CA10: variants seen among roughly 807,000 people sequenced by gnomAD.
The protein encoded by CA10 is carbonic anhydrase 10 (inactive), also known as carbonic anhydrase-related protein 10.
Under a neutral mutation model 44.2 loss-of-function variants are expected in CA10, and 14 were observed. That is an observed-to-expected ratio of 0.32 (90% confidence interval 0.21 to 0.50). CA10 has a LOEUF of 0.50. Ranked by LOEUF, CA10 falls within the 20% of genes least tolerant of loss-of-function variation. The pLI is 0.99. For missense variants in CA10, 350 were observed against 409.7 expected (o/e 0.85, Z 1.26); for synonymous variants, 159 against 141.6 (o/e 1.12, Z -0.87).
chr17:51,646,155 T>A (rs1279295715), intron 6 of CA10, among the ~76,000 whole-genome samples: 3 of 152,242 alleles, frequency 2.0e-5, no homozygotes, highest in Admixed American at 2.0e-4. Context: ...AGTTGCTGAC[T>A]GATACAGCCA....
chr17:51,828,997 G>A (rs994065627), intron 3 of CA10, among the ~76,000 whole-genome samples: 2 of 152,178 alleles, frequency 1.3e-5, no homozygotes, highest in Admixed American at 6.5e-5. Context: ...TTATTAAGAT[G>A]TCTGGTTGTT....
intron 1 of CA10, among the ~76,000 whole-genome samples, chr17:52,088,613 G>A (rs1204499951): frequency 6.6e-6 from 1 of 152,066 alleles, no homozygotes; most frequent in East Asian, 1.9e-4. Flanking sequence ...GAACCAATAG[G>A]AACTGCTTTC....
chr17:51,841,953 CT>C (rs1567858098), intron 3 of CA10, among the ~76,000 whole-genome samples: 2 of 152,208 alleles, frequency 1.3e-5, no homozygotes, highest in African/African-American at 4.8e-5. Context: ...CCTTCTGCCT[CT>C]TTTTAAGACC....
chr17:52,087,432 G>T (rs560528618), intron 1 of CA10, among the ~76,000 whole-genome samples: 2 of 152,158 alleles, frequency 1.3e-5, no homozygotes, highest in Non-Finnish European at 2.9e-5. Context: ...GTGAGCCACC[G>T]CACCTGGCCC....
intron 1 of CA10, among the ~76,000 whole-genome samples, chr17:52,074,740 A>G (rs1987773567): frequency 6.6e-6 from 1 of 152,146 alleles, no homozygotes; most frequent in Non-Finnish European, 1.5e-5. Context: ...ATAATAATAT[A>G]TATTTCAATG....
At chr17:52,157,393 G>C (rs1989826375) in intron 1 of CA10, among the ~76,000 whole-genome samples, 1 of 152,006 alleles carries the variant, frequency 6.6e-6, no homozygotes, top group Non-Finnish European at 1.5e-5. Context: ...GGGGGTGGTT[G>C]TTGCCAAGGC....
intron 1 of CA10, among the ~76,000 whole-genome samples, chr17:52,097,145 G>C (rs1598212833): frequency 6.6e-6 from 1 of 152,004 alleles, no homozygotes; most frequent in Admixed American, 6.5e-5. Context: ...TGAGAAGCAG[G>C]ATTGCTTAAT....
intron 1 of CA10, among the ~76,000 whole-genome samples, chr17:52,157,028 G>A (rs1286535558): frequency 6.6e-6 from 1 of 152,184 alleles, no homozygotes; most frequent in Admixed American, 6.5e-5. Flanking sequence ...AATCCCGTTT[G>A]CTCTTAAAAG....
chr17:52,017,956 G>T (rs1331525747), intron 2 of CA10, among the ~76,000 whole-genome samples: 1 of 152,136 alleles, frequency 6.6e-6, no homozygotes, highest in Middle Eastern at 3.2e-3. Flanking sequence ...GGCATCCCAG[G>T]TACAACTCCA....
At chr17:51,894,895 A>G (rs1981005434) in intron 3 of CA10, among the ~76,000 whole-genome samples, 1 of 152,090 alleles carries the variant, frequency 6.6e-6, no homozygotes, top group East Asian at 1.9e-4. Context: ...AATAATAGAA[A>G]GACTGACTTG....
At chr17:51,983,158 C>T (rs1270889402) in intron 2 of CA10, among the ~76,000 whole-genome samples, 1 of 151,618 alleles carries the variant, frequency 6.6e-6, no homozygotes, top group East Asian at 1.9e-4. Context: ...TAGAGTGTGC[C>T]ATTTATCCAC....
At chr17:51,812,207 T>A (rs1907397301) in intron 3 of CA10, among the ~76,000 whole-genome samples, 1 of 152,238 alleles carries the variant, frequency 6.6e-6, no homozygotes, top group Admixed American at 6.5e-5. Context: ...AACCTAGCAC[T>A]ACTACAAATT....
chr17:51,653,698 AT>A lies in CA10; in HGVS notation c.503del (p.Asn168MetfsTer14). The A allele has an allele frequency of 6.2e-7, 1 of 1,611,652 alleles. No homozygotes were observed. The highest frequency in any genetic ancestry group is 8.5e-7 in the Non-Finnish European group (1 of 1,177,766). On this transcript the variant is annotated frameshift_variant, in exon 5 of 9. Coordinates refer to ENST00000451037, the MANE Select transcript of CA10 (RefSeq NM_020178.5). LOFTEE classifies it high-confidence loss of function. Reference protein sequence around the residue: ...LIHYNHELYTNVTEAAKSPNG... With the variant: ...LIHYNHELYTXVTEAAKSPNG... Reference sequence around the variant, plus strand: ...TTGGACTCTTTGCAGCTTCTGTGACATTCGTATATAGCTCATGGTTATAGTG... The same window carrying A: ...TTGGACTCTTTGCAGCTTCTGTGACATCGTATATAGCTCATGGTTATAGTG...
At chr17:52,034,108 A>G (rs973992218) in intron 2 of CA10, among the ~76,000 whole-genome samples, 1 of 152,212 alleles carries the variant, frequency 6.6e-6, no homozygotes, top group Admixed American at 6.5e-5. Context: ...CTAGAAATCT[A>G]CAGTACAGGA....
chr17:52,139,818 G>C (rs1371188082), intron 1 of CA10, among the ~76,000 whole-genome samples: 1 of 152,086 alleles, frequency 6.6e-6, no homozygotes, highest in African/African-American at 2.4e-5. Context: ...TAGGGTTAGA[G>C]ATAAAATGAG....
intron 2 of CA10, among the ~76,000 whole-genome samples, chr17:51,966,896 G>T (rs1181345639): frequency 1.3e-5 from 2 of 151,848 alleles, no homozygotes; most frequent in East Asian, 3.9e-4. Flanking sequence ...CTTCTGTACA[G>T]CGAAAGAAAC....
In CA10 at chr17:51,848,739, C is replaced by A. The variant is rs555243961; in HGVS notation, c.279+82251G>T. 1.0e-3 allele frequency among the ~76,000 whole-genome samples: 156 copies of A among 152,230 alleles called. 1 individual carries two copies. The highest frequency in any genetic ancestry group is 3.6e-3 in the African/African-American group (148 of 41,544). ...GTGGCCGGAGGCAGTCGTGAGAAAT[C>A]CTTTTGAAACTAAAAAATTGCTGTG... is the stretch of plus-strand genomic sequence containing the variant. On this transcript the variant is annotated intron_variant, in intron 3 of 8. Transcript: ENST00000451037.
intron 2 of CA10, among the ~76,000 whole-genome samples, chr17:51,959,797 G>GAAAAAAAAAAAAAAAAAAAGAAA (rs3062037): frequency 1.8e-4 from 20 of 112,270 alleles, no homozygotes; most frequent in East Asian, 2.6e-4. Flanking sequence ...CTGCTAAGAT[G>GAAAAAAAAAAAAAAAAAAAGAAA]AAAAAAAAAA....
chr17:51,869,747 C>T (rs1377470596), intron 3 of CA10, among the ~76,000 whole-genome samples: 1 of 151,766 alleles, frequency 6.6e-6, no homozygotes. Context: ...CCTGTCTCTA[C>T]AAAAAATAGT....
Sources: allele counts gnomAD v4.1 joint callset (sites outside exome capture counted in the v4.1 genomes callset), GRCh38; gene constraint gnomAD v4.1.1; transcripts MANE v1.5; gene names NCBI Gene and HGNC (gene_info 2026-07-23, HGNC 2026-07-21).